GALNT13: variants seen among roughly 807,000 people sequenced by gnomAD.
GALNT13 encodes polypeptide N-acetylgalactosaminyltransferase 13.
In GALNT13, 28 loss-of-function variants were observed where a neutral mutation model predicts 64.2. That is an observed-to-expected ratio of 0.44 (90% CI 0.32 to 0.60). GALNT13 has a LOEUF of 0.60. Among genes scored for constraint, GALNT13 ranks in the 20% least tolerant of loss-of-function variants. The probability of loss-of-function intolerance (pLI) is 0.05; values close to 1 mark genes in which losing one functional copy is unlikely to be tolerated. For synonymous variants in GALNT13, 214 were observed against 224.6 expected (o/e 0.95, Z 0.42); for missense variants, 577 against 669.8 (o/e 0.86, Z 1.53).
chr2:153,774,432 A>G, the GALNT13 span, among the ~76,000 whole-genome samples: 17 of 152,176 alleles, frequency 1.1e-4, no homozygotes, highest in Non-Finnish European at 2.2e-4. Flanking sequence ...GCTAAATTAT[A>G]TATCAGTTGG....
At chr2:153,914,546 A>C (rs2105323012) in intron 2 of GALNT13, among the ~76,000 whole-genome samples, 1 of 150,786 alleles carries the variant, frequency 6.6e-6, no homozygotes, top group South Asian at 2.1e-4. Context: ...TATTTGATTG[A>C]GAGAATCTAG....
At chr2:153,555,258 G>A in the GALNT13 span, among the ~76,000 whole-genome samples, 3 of 98,904 alleles carry the variant, frequency 3.0e-5, 1 homozygote, top group South Asian at 3.9e-4. Context: ...GCAGTGGCGC[G>A]ATCTCGGCTC....
chr2:154,387,481 C>T (rs1430547699), intron 9 of GALNT13, among the ~76,000 whole-genome samples: 1 of 152,196 alleles, frequency 6.6e-6, no homozygotes, highest in Middle Eastern at 3.4e-3. Context: ...CACAATGCAT[C>T]GTTGTTGACT....
intron 9 of GALNT13, among the ~76,000 whole-genome samples, chr2:154,358,152 T>C (rs1038893438): frequency 6.6e-6 from 1 of 152,124 alleles, no homozygotes; most frequent in Non-Finnish European, 1.5e-5. Flanking sequence ...GCTACACATA[T>C]ATACATTGAA....
intron 3 of GALNT13, among the ~76,000 whole-genome samples, chr2:154,031,531 G>A (rs1008422105): frequency 6.6e-6 from 1 of 151,664 alleles, no homozygotes; most frequent in Non-Finnish European, 1.5e-5. Context: ...TAATGTGTAT[G>A]GATATATATA....
At chr2:154,307,884 A>G (rs1044812191) in intron 9 of GALNT13, among the ~76,000 whole-genome samples, 2 of 152,198 alleles carry the variant, frequency 1.3e-5, no homozygotes, top group African/African-American at 4.8e-5. Context: ...GGTCACAGGT[A>G]AAAAGCTTAA....
chr2:153,886,640 T>G (rs1687198967), intron 1 of GALNT13, among the ~76,000 whole-genome samples: 1 of 151,982 alleles, frequency 6.6e-6, no homozygotes, highest in Non-Finnish European at 1.5e-5. Context: ...AATATCTGTT[T>G]TCTCTTGATA....
At chr2:154,223,448 CTTTTTTT>C (rs61230257) in intron 4 of GALNT13, among the ~76,000 whole-genome samples, 5 of 124,308 alleles carry the variant, frequency 4.0e-5, no homozygotes, top group Non-Finnish European at 6.7e-5. Flanking sequence ...TTTTCTTTTT[CTTTTTTT>C]TTTTTTTTTT....
chr2:154,380,792 G>T (rs867162445), intron 9 of GALNT13, among the ~76,000 whole-genome samples: 1 of 152,030 alleles, frequency 6.6e-6, no homozygotes, highest in Admixed American at 6.6e-5. Flanking sequence ...TGCAATTAAT[G>T]TGTTGATGGG....
intron 4 of GALNT13, among the ~76,000 whole-genome samples, chr2:154,208,662 G>A (rs915119306): frequency 6.9e-6 from 1 of 145,584 alleles, no homozygotes; most frequent in Non-Finnish European, 1.5e-5. Context: ...GTGTGTGTGT[G>A]TGTGTGTAGC....
the GALNT13 span, among the ~76,000 whole-genome samples, chr2:153,230,608 C>T: frequency 6.6e-6 from 1 of 152,162 alleles, no homozygotes; most frequent in Non-Finnish European, 1.5e-5. Context: ...ATACTCAGAA[C>T]TACAGTAGAG....
chr2:154,331,549 C>G (rs1695169535), intron 9 of GALNT13, among the ~76,000 whole-genome samples: 1 of 151,956 alleles, frequency 6.6e-6, no homozygotes, highest in Non-Finnish European at 1.5e-5. Context: ...CAAGTTCTAC[C>G]TTAGCCTTCC....
chr2:153,176,005 G>A, the GALNT13 span, among the ~76,000 whole-genome samples: 1 of 152,190 alleles, frequency 6.6e-6, no homozygotes, highest in Admixed American at 6.5e-5. Context: ...TCCTATGGGA[G>A]AGAGAGGGAG....
chr2:154,104,043 G>T (rs889666929), intron 3 of GALNT13, among the ~76,000 whole-genome samples: 1 of 152,076 alleles, frequency 6.6e-6, no homozygotes, highest in African/African-American at 2.4e-5. Flanking sequence ...ATGGTGAGAT[G>T]TGCTGAGGCC....
the GALNT13 span, among the ~76,000 whole-genome samples, chr2:153,288,097 A>G: frequency 1.3e-5 from 2 of 152,206 alleles, no homozygotes; most frequent in Admixed American, 1.3e-4. Context: ...ACAGTTAAAA[A>G]TGACGTGTCT....
chr2:154,160,521 CT>C (rs1684670115), intron 4 of GALNT13, among the ~76,000 whole-genome samples: 1 of 152,080 alleles, frequency 6.6e-6, no homozygotes, highest in African/African-American at 2.4e-5. Flanking sequence ...CTACTCAGCC[CT>C]TATAATCTTT....
intron 1 of GALNT13, among the ~76,000 whole-genome samples, chr2:153,884,785 A>ATATATATATATG (rs1450308010): frequency 4.9e-5 from 6 of 122,504 alleles, no homozygotes; most frequent in African/African-American, 1.4e-4. Context: ...ATATATATAT[A>ATATATATATATG]TGTGTGTGTA....
At chr2:153,588,900 G>A in the GALNT13 span, among the ~76,000 whole-genome samples, 1 of 152,154 alleles carries the variant, frequency 6.6e-6, no homozygotes, top group Non-Finnish European at 1.5e-5. Context: ...GGGCATGGTG[G>A]CTAACGCCTG....
chr2:153,884,226 A>G (rs1686978784), intron 1 of GALNT13, among the ~76,000 whole-genome samples: 1 of 152,140 alleles, frequency 6.6e-6, no homozygotes. Context: ...GACTTAGATA[A>G]TGGCTAAACT....
Sources: gnomAD v4.1 joint callset for allele counts (sites outside exome capture counted in the v4.1 genomes callset) on GRCh38, gnomAD v4.1.1 for gene constraint, MANE v1.5 for transcripts, NCBI Gene and HGNC (gene_info 2026-07-23, HGNC 2026-07-21) for gene names.